The following TRIM16 variants were observed in gnomAD, a reference collection of about 807,000 sequenced individuals.
TRIM16 encodes tripartite motif-containing protein 16.
A neutral mutation model predicts 50.4 loss-of-function variants in TRIM16; 33 were observed. That is an observed-to-expected ratio of 0.65 (90% confidence interval 0.50 to 0.88). The LOEUF is 0.88. Among genes scored for constraint, TRIM16 ranks in the 40% least tolerant of loss-of-function variants. The pLI, the probability that TRIM16 is intolerant of heterozygous loss-of-function variation, is 0.00. For synonymous variants in TRIM16, 229 were observed against 270.7 expected, an observed-to-expected ratio of 0.85 and a Z score of 1.51; for missense variants, 581 against 686.8, an observed-to-expected ratio of 0.85 and a Z score of 1.72.
intron 10 of TRIM16, chr17:15,632,002 A>G: frequency 2.3e-6 from 1 of 432,554 alleles, no homozygotes; most frequent in South Asian, 2.4e-5. Flanking sequence ...TATAAGCATG[A>G]CTAATTGTCC....
At position 15,636,280 on chromosome 17, in the gene TRIM16, G is replaced by A. The variant is rs371671902; in HGVS notation, c.616-11C>T. On this transcript the variant is annotated splice_polypyrimidine_tract_variant and intron_variant, in intron 8 of 11. Coordinates refer to ENST00000649191, the MANE Select transcript of TRIM16 (RefSeq NM_001348119.1). The stretch of plus-strand genomic sequence containing the variant: ...CTCTGACACCGACACCTGGCAGGGG[G>A]TGGGGGTGGAAGGCAGCCAAACATT... 3.0e-4 allele frequency: 483 copies of A among 1,608,032 alleles called. 17 individuals carry two copies. The highest frequency in any genetic ancestry group is 7.5e-4 in the Admixed American group (45 of 59,886).
chr17:15,631,866 A>C (rs1597598958), intron 10 of TRIM16, 152 bp from the exon 11 acceptor site: 2 of 677,836 alleles, frequency 3.0e-6, no homozygotes, highest in East Asian at 5.5e-5. Context: ...TCAATAGACT[A>C]CATTTCTTTC....
Position 15,628,944 on chromosome 17 carries a change from G to T in TRIM16, c.1366C>A (p.Arg456Ser). 1.9e-6 allele frequency: 3 copies of T among 1,614,212 alleles called. No individual in the cohort carries two copies. The highest frequency in any genetic ancestry group is 2.5e-6 in the Non-Finnish European group (3 of 1,180,052). ...CKGIDRKGEE[R>S]NSCISGNNFS... ...TTGTTTCCGGAAATGCAACTGTTGC[G>T]CTCCTCCCCTTTCCGGTCGATGCCT... The change falls in exon 12 of 12, where the codon CGC (arginine) becomes AGC (serine). Residue 456 changes from arginine (R) to serine (S), a missense_variant. By Grantham distance (110) the Arg-to-Ser change is moderately radical (BLOSUM62 -1). This residue lies in a region of TRIM16 where 115 missense variants were observed against 106.7 expected (regional missense o/e 1.08). Coordinates refer to ENST00000649191, the MANE Select transcript of TRIM16 (RefSeq NM_001348119.1).
chr17:15,663,628 A>G (rs1327992573), intron 6 of TRIM16, among the ~76,000 whole-genome samples: 1 of 152,182 alleles, frequency 6.6e-6, no homozygotes, highest in East Asian at 1.9e-4. Flanking sequence ...ATGTAAGATA[A>G]CGTGTCCTTA....
At chr17:15,652,017 T>A (rs971849187) in intron 6 of TRIM16, 71 bp from the exon 7 acceptor site, 6 of 965,256 alleles carry the variant, frequency 6.2e-6, no homozygotes, top group African/African-American at 1.8e-5. Context: ...ACAAGCGACA[T>A]TTTTTTTTGT....
intron 6 of TRIM16, among the ~76,000 whole-genome samples, chr17:15,664,174 G>A (rs1988372832): frequency 6.6e-6 from 1 of 152,184 alleles, no homozygotes; most frequent in South Asian, 2.1e-4. Context: ...CCATTTTAAG[G>A]TTGAAGAAGC....
rs557938079 is a variant in TRIM16 at position 15,677,371 on chromosome 17, G to A, written c.-442-91C>T. 20 of 934,598 alleles carry A rather than the reference G, an allele frequency of 2.1e-5. 1 individual carries two copies. The East Asian group carries it at 2.0e-3, about 93-fold the overall frequency. The allele number at this position is 934,598 out of a possible 1,614,324, so 57.9% of individuals were successfully genotyped here. ...CCACTCTGTTGCATTTTAGAGAGGA[G>A]AAAACGAAATAACTAATTGTCAAAA... is the stretch of plus-strand genomic sequence containing the variant. On this transcript the variant is annotated intron_variant, in intron 5 of 11. Transcript: ENST00000649191.
intron 8 of TRIM16, among the ~76,000 whole-genome samples, chr17:15,639,035 T>TTCTC (rs1204651107): frequency 3.6e-5 from 5 of 137,682 alleles, no homozygotes; most frequent in Admixed American, 7.4e-5. Context: ...TCTCCCTACA[T>TTCTC]TCTCTCTCTC....
intron 7 of TRIM16, among the ~76,000 whole-genome samples, chr17:15,650,619 T>G (rs376320016): frequency 1.5e-4 from 23 of 152,358 alleles, no homozygotes; most frequent in African/African-American, 5.5e-4. Context: ...TCTACTGGTC[T>G]CTTGTTTGAG....
chr17:15,660,813 G>A (rs1988192887), intron 6 of TRIM16, among the ~76,000 whole-genome samples: 1 of 150,402 alleles, frequency 6.6e-6, no homozygotes, highest in Non-Finnish European at 1.5e-5. Context: ...CAGGAGAATG[G>A]TGTGAACCTG....
chr17:15,634,380 AAC>A (rs1207985302), intron 9 of TRIM16, among the ~76,000 whole-genome samples: 5 of 147,708 alleles, frequency 3.4e-5, no homozygotes. Flanking sequence ...CTGTAATCGC[AAC>A]ACTTTGGGAG....
chr17:15,630,912 AG>A (rs2150895722), intron 11 of TRIM16, among the ~76,000 whole-genome samples: 1 of 152,172 alleles, frequency 6.6e-6, no homozygotes, highest in African/African-American at 2.4e-5. Flanking sequence ...AATTAACAGA[AG>A]GCTATTACTA....
chr17:15,655,309 A>G (rs1269657122), intron 6 of TRIM16, among the ~76,000 whole-genome samples: 1 of 152,230 alleles, frequency 6.6e-6, no homozygotes, highest in Non-Finnish European at 1.5e-5. Flanking sequence ...AGTAGAAATC[A>G]GAAGGCATAC....
rs1383652224 is a variant in TRIM16 at position 15,636,192 on chromosome 17, G to A, written c.693C>T (p.Ala231=). ...TCTCCTCTAAGAAGAGCATCACATT[G>A]GCCTGGGCCTTCCTCACAGCAGCAA... is the stretch of plus-strand genomic sequence containing the variant. ...ELLAAVRKAQ[A]NVMLFLEEKE... Residue 231 remains alanine (A), a synonymous_variant, in exon 9 of 12, where the codon GCC becomes GCT. Transcript: ENST00000649191. 5 of 1,609,454 alleles carry A rather than the reference G, an allele frequency of 3.1e-6. No homozygotes were observed. The highest frequency in any genetic ancestry group is 1.7e-4 in the Middle Eastern group (1 of 6,050).
intron 8 of TRIM16, among the ~76,000 whole-genome samples, chr17:15,638,820 T>C (rs2150906255): frequency 6.9e-6 from 1 of 145,478 alleles, no homozygotes; most frequent in African/African-American, 2.6e-5. Context: ...ACCTAGAGGT[T>C]TGGAGGGAGA....
At chr17:15,632,835 A>T in intron 9 of TRIM16, 161 bp from the exon 10 acceptor site, 1 of 972,350 alleles carries the variant, frequency 1.0e-6, no homozygotes, top group Non-Finnish European at 1.4e-6. Context: ...GGTCTAACAA[A>T]ATAGAAAGCA....
chr17:15,659,827 T>G (rs1423601018), intron 6 of TRIM16, among the ~76,000 whole-genome samples: 1 of 152,214 alleles, frequency 6.6e-6, no homozygotes. Flanking sequence ...AATGGGCACC[T>G]CTAATCTTGC....
Position 15,629,023 on chromosome 17 carries a change from G to A in TRIM16, c.1287C>T (p.Tyr429=). ...LSQQSLYLHR[Y]YFEVEIFGAG... ...CCCCGAAGATCTCCACCTCAAAATA[G>A]TACCTGTGCAGGTACAGACTCTGCT... is the stretch of plus-strand genomic sequence containing the variant. Residue 429 remains tyrosine, a synonymous_variant, in exon 12 of 12, where the codon TAC becomes TAT. Coordinates refer to ENST00000649191, the MANE Select transcript of TRIM16 (RefSeq NM_001348119.1). The A allele has an allele frequency of 6.2e-7, 1 of 1,614,124 alleles. No individual in the cohort carries two copies.
At position 15,644,854 on chromosome 17, in the gene TRIM16, C is replaced by T. The variant is rs562452850; in HGVS notation, c.520-2038G>A. 3.2e-3 allele frequency among the ~76,000 whole-genome samples: 493 copies of T among 151,800 alleles called. 3 individuals are homozygous for T. The highest frequency in any genetic ancestry group is 0.011 in the African/African-American group (443 of 41,186). On this transcript the variant is annotated intron_variant, in intron 7 of 11. Coordinates refer to ENST00000649191, the MANE Select transcript of TRIM16 (RefSeq NM_001348119.1). ...TTTTTGAGATGGAGTCTCACACTGT[C>T]GTCCAGGCTGGAGTGCAATGGTGCA...
Sources: gnomAD v4.1 joint callset for allele counts (sites outside exome capture counted in the v4.1 genomes callset) on GRCh38, gnomAD v4.1.1 for gene constraint, gnomAD v4.1.1 regional missense constraint, MANE v1.5 for transcripts, NCBI Gene and HGNC (gene_info 2026-07-23, HGNC 2026-07-21) for gene names.